CFI: variants seen among roughly 807,000 people sequenced by gnomAD.
CFI encodes the protein complement factor I.
A neutral mutation model predicts 78.8 loss-of-function variants in CFI; 66 were observed. That is an observed-to-expected ratio of 0.84 (90% CI 0.69 to 1.03). The LOEUF (loss-of-function observed/expected upper bound fraction) is 1.03, where lower values mean the gene tolerates loss of function less well. Among genes scored for constraint, CFI ranks in the 50% least tolerant of loss-of-function variants. The pLI, the probability that CFI is intolerant of heterozygous loss-of-function variation, is 0.00. For missense variants in CFI, 706 were observed against 704.5 expected (o/e 1.00, Z -0.02); for synonymous variants, 250 against 232.6 (o/e 1.07, Z -0.68).
chr4:109,777,181 T>C (rs947269093), intron 1 of CFI, among the ~76,000 whole-genome samples: 2 of 152,082 alleles, frequency 1.3e-5, no homozygotes, highest in African/African-American at 2.4e-5. Flanking sequence ...GACTGGCAAA[T>C]TGGATAAAGA....
chr4:109,759,697 C>A (rs750245685), intron 6 of CFI, among the ~76,000 whole-genome samples: 14 of 152,112 alleles, frequency 9.2e-5, no homozygotes, highest in Non-Finnish European at 1.6e-4. Flanking sequence ...GAGTTTGAGA[C>A]CAGCCTGGCC....
intron 11 of CFI, 129 bp from the exon 12 acceptor site, chr4:109,742,724 T>C: frequency 6.0e-6 from 4 of 663,740 alleles, no homozygotes; most frequent in Non-Finnish European, 1.1e-5. Flanking sequence ...TTTTGAGAAC[T>C]CTTCCTTAGC....
intron 1 of CFI, among the ~76,000 whole-genome samples, chr4:109,771,104 G>T (rs528595623): frequency 1.7e-4 from 26 of 152,026 alleles, no homozygotes; most frequent in Non-Finnish European, 3.2e-4. Context: ...GGAAGTAGAA[G>T]ATTAGGGCCA....
chr4:109,772,034 T>G (rs184845956), intron 1 of CFI, among the ~76,000 whole-genome samples: 151 of 152,332 alleles, frequency 9.9e-4, no homozygotes, highest in Admixed American at 1.5e-3. Flanking sequence ...AATTTCCTAT[T>G]GTAAATTGGA....
In CFI at chr4:109,770,569, A is replaced by G. The variant is rs201145696; in HGVS notation, c.58-3745T>C. ...AGACTCCATCTCTAAAAAAAAAAAA[A>G]GAAAAAAAAAGAAACCGCTTTACTG... On this transcript the variant is annotated intron_variant, in intron 1 of 12. Coordinates refer to ENST00000394634, the MANE Select transcript of CFI (RefSeq NM_000204.5). Among the ~76,000 whole-genome samples the G allele has an allele frequency of 1.5e-3, 199 of 132,530 alleles. 2 individuals carry two copies. The highest frequency in any genetic ancestry group is 6.5e-3 in the East Asian group (29 of 4,454). The allele number at this position is 132,530 out of a possible 152,430, so 86.9% of individuals were successfully genotyped here.
chr4:109,745,752 T>A (rs939282697), intron 11 of CFI, among the ~76,000 whole-genome samples: 5 of 152,158 alleles, frequency 3.3e-5, no homozygotes, highest in African/African-American at 1.2e-4. Flanking sequence ...GCTATCCCTT[T>A]GTAAACCTTT....
At chr4:109,747,531 T>A (rs566035812) in intron 10 of CFI, among the ~76,000 whole-genome samples, 49 of 152,202 alleles carry the variant, frequency 3.2e-4, no homozygotes, top group African/African-American at 1.1e-3. Context: ...CAGTATAGAG[T>A]CACTTCGGCA....
In CFI at chr4:109,760,331, G is replaced by A. The variant is rs1350170954; in HGVS notation, c.822C>T (p.Ser274=). The A allele has an allele frequency of 3.1e-6, 5 of 1,614,144 alleles. No individual in the cohort carries two copies. The highest frequency in any genetic ancestry group is 2.2e-5 in the East Asian group (1 of 44,874). Residue 274 remains serine, a synonymous_variant, in exon 6 of 13, where the codon AGC becomes AGT. Coordinates refer to ENST00000394634, the MANE Select transcript of CFI (RefSeq NM_000204.5). The part of the protein sequence containing the change: ...FHCKSGVCIP[S]QYQCNGEVDC... ...CCACCTCACCATTGCATTGATACTG[G>A]CTTGGAATGCAAACACCCGATTTGC... is the stretch of plus-strand genomic sequence containing the variant.
At chr4:109,756,112 AC>A (rs1325754413) in intron 7 of CFI, among the ~76,000 whole-genome samples, 5 of 152,142 alleles carry the variant, frequency 3.3e-5, no homozygotes, top group African/African-American at 1.2e-4. Flanking sequence ...AAACAAAAAA[AC>A]GTACATATTA....
rs1379812474 is a variant in CFI at position 109,761,655 on chromosome 4, G to C, written c.520C>G (p.Leu174Val). Residue 174 changes from leucine to valine, a missense_variant, in exon 4 of 13, where the codon CTC becomes GTC. Physicochemically the swap from Leu to Val is conservative, Grantham distance 32. Transcript: ENST00000394634. ...AGACATTCAGTGGAATTTATAGAGA[G>C]ATCAGACAACTTAAACCTTCTTTGA... is the stretch of plus-strand genomic sequence containing the variant. ...DTQRRFKLSDLSINSTECLHV... is the reference protein window; with the variant it reads ...DTQRRFKLSDVSINSTECLHV... 6.2e-7 allele frequency: 1 copy of C among 1,613,630 alleles called. No homozygotes were observed. Among genetic ancestry groups the C allele is most frequent in the Non-Finnish European group, 8.5e-7 (1 of 1,179,656 alleles).
intron 1 of CFI, among the ~76,000 whole-genome samples, chr4:109,781,391 C>T (rs949122741): frequency 1.3e-5 from 2 of 152,114 alleles, no homozygotes; most frequent in Non-Finnish European, 2.9e-5. Context: ...CATCTTTACG[C>T]ACATAAACTA....
intron 4 of CFI, 105 bp downstream of exon 4, chr4:109,761,412 C>T: frequency 2.7e-6 from 3 of 1,103,440 alleles, no homozygotes; most frequent in Non-Finnish European, 4.2e-6. Flanking sequence ...TATATTATTG[C>T]CTCTGTGACT....
Position 109,786,518 on chromosome 4 carries a change from C to A in CFI, c.57+15397G>T, listed in dbSNP as rs192093827. 2.4e-3 allele frequency among the ~76,000 whole-genome samples: 361 copies of A among 152,176 alleles called. 1 individual carries two copies. The highest frequency in any genetic ancestry group is 8.4e-3 in the African/African-American group (350 of 41,516). On this transcript the variant is annotated intron_variant, in intron 1 of 12. Transcript: ENST00000394634. Reference sequence around the variant, plus strand: ...CCCAGTATATAGCTATATGCCTTATCCTCAAGTTTCTTCATTGCCCTGTTT... The same window carrying A: ...CCCAGTATATAGCTATATGCCTTATACTCAAGTTTCTTCATTGCCCTGTTT...
intron 3 of CFI, 134 bp from the exon 4 acceptor site, chr4:109,761,826 C>T (rs1435964528): frequency 1.6e-5 from 12 of 735,882 alleles, no homozygotes; most frequent in South Asian, 4.7e-5. Flanking sequence ...GGCAAGATAC[C>T]GAAACTCTGA....
intron 1 of CFI, among the ~76,000 whole-genome samples, chr4:109,775,652 G>A (rs558468685): frequency 3.7e-4 from 56 of 152,162 alleles, no homozygotes; most frequent in Non-Finnish European, 7.2e-4. Context: ...AGAGAGTAGT[G>A]GTTCTCCCAG....
chr4:109,752,151 A>C (rs889407341), intron 8 of CFI, among the ~76,000 whole-genome samples: 33 of 152,158 alleles, frequency 2.2e-4, no homozygotes, highest in African/African-American at 7.7e-4. Flanking sequence ...GTCATGCTTG[A>C]GAGCTGCTTG....
At chr4:109,750,473 G>A (rs986920534) in intron 8 of CFI, among the ~76,000 whole-genome samples, 8 of 151,998 alleles carry the variant, frequency 5.3e-5, no homozygotes, top group Non-Finnish European at 4.4e-5. Flanking sequence ...CAGTGACCCC[G>A]GGACAAGTGG....
At chr4:109,768,611 A>G (rs1728139920) in intron 1 of CFI, among the ~76,000 whole-genome samples, 1 of 152,166 alleles carries the variant, frequency 6.6e-6, no homozygotes, top group African/African-American at 2.4e-5. Flanking sequence ...ATTGGGCCAA[A>G]AGCCAATCTG....
Position 109,766,769 on chromosome 4 carries a change from T to C in CFI, c.113A>G (p.Tyr38Cys). The C allele has an allele frequency of 6.2e-7, 1 of 1,614,232 alleles. No homozygotes were observed. The highest frequency in any genetic ancestry group is 1.1e-5 in the South Asian group (1 of 91,084). The change falls in exon 2 of 13, where the codon TAT becomes TGT. Residue 38 changes from tyrosine to cysteine, a missense_variant. Coordinates refer to ENST00000394634, the MANE Select transcript of CFI (RefSeq NM_000204.5). Reference sequence around the variant, plus strand: ...GACTTTATCGCAGGAGAGGTGAGTATATTTTTTTGCTAAGCACTTTTTCTC... The same window carrying C: ...GACTTTATCGCAGGAGAGGTGAGTACATTTTTTTGCTAAGCACTTTTTCTC... Reference protein sequence around the residue: ...LVEKKCLAKKYTHLSCDKVFC... With the variant: ...LVEKKCLAKKCTHLSCDKVFC...
Sources: gnomAD v4.1 joint callset for allele counts (sites outside exome capture counted in the v4.1 genomes callset) on GRCh38, gnomAD v4.1.1 for gene constraint, MANE v1.5 for transcripts, NCBI Gene and HGNC (gene_info 2026-07-23, HGNC 2026-07-21) for gene names.